The following SLX9 variants were observed in gnomAD, a reference collection of about 807,000 sequenced individuals.
SLX9 encodes the protein ribosome biogenesis protein SLX9 homolog.
A neutral mutation model predicts 20.8 loss-of-function variants in SLX9; 19 were observed. The observed-to-expected ratio is 0.91, with a 90% CI of 0.64 to 1.34. SLX9 has a LOEUF of 1.34. Among genes scored for constraint, SLX9 ranks in the 40% most tolerant of loss-of-function variants. The pLI is 0.00. For synonymous variants in SLX9, 113 were observed against 137.1 expected (o/e 0.82, Z 1.23); for missense variants, 299 against 322.2 (o/e 0.93, Z 0.55).
Position 44,972,541 on chromosome 21 carries a change from C to T in SLX9, c.501-656C>T, listed in dbSNP as rs1601423949. Among the ~76,000 whole-genome samples, 4 of 152,328 alleles carry T rather than the reference C, an allele frequency of 2.6e-5. No individual in the cohort carries two copies. In the East Asian group the frequency reaches 7.7e-4, roughly 29 times the overall value. ...AGTTCCTCCACCTGTCCATGGGGGA[C>T]TGCAGTGCTCGTTGGCACCCCCCGC... On this transcript the variant is annotated intron_variant, in intron 4 of 5. Coordinates refer to ENST00000291634, the MANE Select transcript of SLX9 (RefSeq NM_058190.4).
intron 2 of SLX9, among the ~76,000 whole-genome samples, chr21:44,947,882 A>G (rs2084672716): frequency 6.6e-6 from 1 of 152,140 alleles, no homozygotes; most frequent in Admixed American, 6.5e-5. Flanking sequence ...TTGTGCATGC[A>G]GGGGCTTTGC....
intron 1 of SLX9, 114 bp downstream of exon 1, chr21:44,940,300 G>A (rs974224763): frequency 2.5e-6 from 3 of 1,177,140 alleles, no homozygotes; most frequent in Non-Finnish European, 3.2e-6. Flanking sequence ...GGGCTCTGCG[G>A]GCATTTGCTG....
chr21:44,947,647 C>T (rs908475948), intron 2 of SLX9, among the ~76,000 whole-genome samples: 5 of 152,036 alleles, frequency 3.3e-5, no homozygotes, highest in African/African-American at 7.2e-5. Context: ...GATCCCAGCT[C>T]GCCAGGAAGC....
intron 2 of SLX9, among the ~76,000 whole-genome samples, chr21:44,951,855 G>A (rs535768587): frequency 2.6e-5 from 4 of 152,202 alleles, no homozygotes; most frequent in Admixed American, 6.5e-5. Context: ...CTCTTTGTCC[G>A]AGCAGGGTTC....
chr21:44,961,642 C>T (rs767243157), intron 3 of SLX9, among the ~76,000 whole-genome samples: 1 of 152,130 alleles, frequency 6.6e-6, no homozygotes, highest in African/African-American at 2.4e-5. Flanking sequence ...TGTTAGTTGC[C>T]TTCTTATTAA....
chr21:44,947,439 C>T (rs1239487777), intron 2 of SLX9, among the ~76,000 whole-genome samples: 1 of 152,212 alleles, frequency 6.6e-6, no homozygotes, highest in Non-Finnish European at 1.5e-5. Context: ...GGCCCATCAC[C>T]TGGTGGACAC....
At chr21:44,949,761 C>T (rs947190964) in intron 2 of SLX9, among the ~76,000 whole-genome samples, 1 of 152,196 alleles carries the variant, frequency 6.6e-6, no homozygotes, top group African/African-American at 2.4e-5. Flanking sequence ...ACATCCCAAG[C>T]TCCTGCACCC....
At position 44,940,070 on chromosome 21, in the gene SLX9, A is replaced by AGG; in HGVS notation, c.17_18dup (p.Leu7GlyfsTer11). On this transcript the variant is annotated frameshift_variant, in exon 1 of 6. Transcript: ENST00000291634. LOFTEE classifies it high-confidence loss of function. ...CTCCGCCGGGAAGATGGGGAAAGTG[A>AGG]GGGGGTTGCGCGCCCGAGTGCACCA... The AGG allele has an allele frequency of 6.8e-7, 1 of 1,461,048 alleles. No homozygotes were observed. The highest frequency in any genetic ancestry group is 9.0e-7 in the Non-Finnish European group (1 of 1,106,014). 90.5% of individuals were successfully genotyped at this position (1,461,048 alleles called of 1,614,324 possible). A position where few individuals can be genotyped will look rare whatever the true frequency, so the allele number is the denominator to read the frequency against.
intron 3 of SLX9, among the ~76,000 whole-genome samples, chr21:44,963,050 A>G (rs1263625989): frequency 6.7e-6 from 1 of 150,330 alleles, no homozygotes; most frequent in Non-Finnish European, 1.5e-5. Context: ...TGTGTTTTAC[A>G]GATGTTTTTC....
intron 2 of SLX9, among the ~76,000 whole-genome samples, chr21:44,951,492 C>T (rs1000473428): frequency 5.3e-5 from 8 of 152,282 alleles, no homozygotes; most frequent in East Asian, 1.9e-4. Context: ...CTTTGCCCAC[C>T]GTGCCTCACT....
intron 2 of SLX9, chr21:44,959,138 C>T (rs184062496): frequency 2.2e-5 from 20 of 894,962 alleles, no homozygotes; most frequent in Middle Eastern, 5.7e-4. Flanking sequence ...GGTTTCACAC[C>T]GGCTCCTGAA....
intron 2 of SLX9, among the ~76,000 whole-genome samples, chr21:44,956,010 C>A (rs779492663): frequency 1.3e-5 from 2 of 152,216 alleles, no homozygotes; most frequent in Non-Finnish European, 2.9e-5. Flanking sequence ...CTGATGCGGA[C>A]GCCAGCCTGC....
rs1484737871 is a variant in SLX9, at chr21:44,966,104, C to T, written c.353-930C>T. Among the ~76,000 whole-genome samples, 6 of 152,186 alleles carry T rather than the reference C, an allele frequency of 3.9e-5. No homozygotes were observed. In the South Asian group the frequency reaches 1.2e-3, roughly 32 times the overall value. Reference sequence around the variant, plus strand: ...TTTGGAGCCAGGTAAACACACCCTGCTACAGGGACCCAGGGCAGGGTGGCA... The same window carrying T: ...TTTGGAGCCAGGTAAACACACCCTGTTACAGGGACCCAGGGCAGGGTGGCA... On this transcript the variant is annotated intron_variant, in intron 3 of 5. Transcript: ENST00000291634.
At chr21:44,965,239 C>G (rs570901172) in intron 3 of SLX9, among the ~76,000 whole-genome samples, 2 of 152,320 alleles carry the variant, frequency 1.3e-5, no homozygotes, top group Admixed American at 1.3e-4. Context: ...GAACTGCACT[C>G]TCCCGTTGGT....
chr21:44,962,186 A>G (rs1057342927), intron 3 of SLX9, among the ~76,000 whole-genome samples: 9 of 152,158 alleles, frequency 5.9e-5, no homozygotes, highest in African/African-American at 9.7e-5. Context: ...TTGTATTTAC[A>G]TAAAATGAAA....
intron 1 of SLX9, among the ~76,000 whole-genome samples, chr21:44,940,550 A>AC (rs1273186484): frequency 6.6e-6 from 1 of 151,788 alleles, no homozygotes; most frequent in African/African-American, 2.4e-5. Flanking sequence ...CTGAAGAGAG[A>AC]CCCCGTTCCC....
Position 44,967,015 on chromosome 21 carries a change from G to A in SLX9, c.353-19G>A, listed in dbSNP as rs562230292. On this transcript the variant is annotated intron_variant, in intron 3 of 5. Coordinates refer to ENST00000291634, the MANE Select transcript of SLX9 (RefSeq NM_058190.4). Reference sequence around the variant, plus strand: ...CCTCTGCCTCTTGTTTGCCTCTAACGTCGTTTCTCCTTCCTTAGAAATCGA... The same window carrying A: ...CCTCTGCCTCTTGTTTGCCTCTAACATCGTTTCTCCTTCCTTAGAAATCGA... 24 of 1,600,420 alleles carry A rather than the reference G, an allele frequency of 1.5e-5. No homozygotes were observed. The East Asian group carries it at 3.6e-4, about 24-fold the overall frequency.
chr21:44,949,432 C>T (rs900688214), intron 2 of SLX9, among the ~76,000 whole-genome samples: 10 of 152,132 alleles, frequency 6.6e-5, no homozygotes, highest in Non-Finnish European at 1.5e-4. Context: ...CCAGCACCCT[C>T]GGCCGGGTGG....
intron 2 of SLX9, among the ~76,000 whole-genome samples, chr21:44,946,029 C>T (rs184465753): frequency 6.6e-5 from 10 of 152,338 alleles, no homozygotes; most frequent in Admixed American, 2.0e-4. Context: ...CCACCACGCC[C>T]GGCCTGGTCT....
Sources: gnomAD v4.1 joint callset for allele counts (sites outside exome capture counted in the v4.1 genomes callset) on GRCh38, gnomAD v4.1.1 for gene constraint, MANE v1.5 for transcripts, NCBI Gene and HGNC (gene_info 2026-07-23, HGNC 2026-07-21) for gene names.